EML6: variants seen among roughly 807,000 people sequenced by gnomAD.
EML6 encodes EMAP like 6.
Under a neutral mutation model 240.1 loss-of-function variants are expected in EML6, and 154 were observed. The observed-to-expected ratio is 0.64, with a 90% CI of 0.56 to 0.73. The LOEUF (loss-of-function observed/expected upper bound fraction) is 0.73. EML6 is among the 30% of genes least tolerant of loss of function. The probability of loss-of-function intolerance (pLI) is 0.00; values close to 1 mark genes in which losing one functional copy is unlikely to be tolerated. For missense variants in EML6, 2,964 were observed against 2,474.6 expected, an observed-to-expected ratio of 1.20 and a Z score of -4.20; for synonymous variants, 1,148 against 899.0, an observed-to-expected ratio of 1.28 and a Z score of -4.95.
At chr2:54,840,076 C>T (rs1368677166) in intron 7 of EML6, among the ~76,000 whole-genome samples, 2 of 152,124 alleles carry the variant, frequency 1.3e-5, no homozygotes, top group Admixed American at 1.3e-4. Context: ...TAACTCTTTG[C>T]TTCCTGATAA....
At chr2:54,858,877 G>C (rs753740120) in intron 11 of EML6, among the ~76,000 whole-genome samples, 3 of 152,188 alleles carry the variant, frequency 2.0e-5, no homozygotes, top group Non-Finnish European at 2.9e-5. Flanking sequence ...TGGGGTATTT[G>C]ACCTCCTGAA....
chr2:54,957,736 C>G (rs1011502424), intron 32 of EML6, 54 bp from the exon 33 acceptor site: 5 of 1,515,070 alleles, frequency 3.3e-6, no homozygotes, highest in Middle Eastern at 2.3e-4. Flanking sequence ...GCGGCTCCCC[C>G]GGCCTGGCCC....
At chr2:54,827,477 A>T (rs1403258005) in intron 5 of EML6, 89 bp from the exon 6 acceptor site, 1 of 1,079,814 alleles carries the variant, frequency 9.3e-7, no homozygotes, top group East Asian at 2.6e-5. Flanking sequence ...AGAGCACATT[A>T]TGTGAAATGC....
Position 54,853,700 on chromosome 2 carries a change from C to T in EML6, c.1502C>T (p.Thr501Ile), listed in dbSNP as rs1419831283. Reference protein sequence around the residue: ...EIKGIPWASWTCVKGPEVSGI... With the variant: ...EIKGIPWASWICVKGPEVSGI... Reference sequence around the variant, plus strand: ...AAAGGGATTCCTTGGGCCTCCTGGACATGCGTGAAAGGCCCTGAAGTGAGT... The same window carrying T: ...AAAGGGATTCCTTGGGCCTCCTGGATATGCGTGAAAGGCCCTGAAGTGAGT... The change falls in exon 11 of 42, where the codon ACA (threonine) becomes ATA (isoleucine). Residue 501 changes from threonine to isoleucine, a missense_variant. By Grantham distance (89) the Thr-to-Ile change is moderately conservative. Coordinates refer to ENST00000356458, the MANE Select transcript of EML6 (RefSeq NM_001039753.4). The T allele has an allele frequency of 6.4e-7, 1 of 1,550,870 alleles. No homozygotes were observed. Among genetic ancestry groups the T allele is most frequent in the Non-Finnish European group, 8.7e-7 (1 of 1,146,500 alleles).
At chr2:54,944,266 C>T (rs933270618) in intron 28 of EML6, among the ~76,000 whole-genome samples, 3 of 151,444 alleles carry the variant, frequency 2.0e-5, no homozygotes, top group African/African-American at 7.3e-5. Context: ...AACTCATCAT[C>T]TTCCCTCATT....
intron 31 of EML6, among the ~76,000 whole-genome samples, chr2:54,953,397 G>A (rs899687217): frequency 6.6e-6 from 1 of 152,170 alleles, no homozygotes; most frequent in Non-Finnish European, 1.5e-5. Context: ...ATTGTATCTT[G>A]CCGAATTGCA....
intron 34 of EML6, among the ~76,000 whole-genome samples, chr2:54,959,737 G>A (rs1298396063): frequency 2.6e-5 from 4 of 152,080 alleles, no homozygotes; most frequent in African/African-American, 7.2e-5. Context: ...ACTCCAGCCT[G>A]GGCGACAAGA....
chr2:54,740,194 G>A (rs936247002), intron 2 of EML6, among the ~76,000 whole-genome samples: 1 of 152,188 alleles, frequency 6.6e-6, no homozygotes, highest in African/African-American at 2.4e-5. Context: ...CAGTGTATGT[G>A]TAGGAGTGGG....
intron 28 of EML6, among the ~76,000 whole-genome samples, chr2:54,939,323 G>C (rs1395820129): frequency 2.0e-5 from 3 of 152,236 alleles, no homozygotes; most frequent in Non-Finnish European, 2.9e-5. Context: ...CCTTGCCCCA[G>C]ACTGCATCTC....
intron 28 of EML6, among the ~76,000 whole-genome samples, chr2:54,931,044 G>A (rs1355007647): frequency 2.3e-5 from 3 of 132,138 alleles, no homozygotes; most frequent in Non-Finnish European, 4.7e-5. Context: ...TGCAAGCTCC[G>A]CCTCCCGGGT....
At chr2:54,884,758 G>T (rs1442962283) in intron 17 of EML6, among the ~76,000 whole-genome samples, 1 of 152,188 alleles carries the variant, frequency 6.6e-6, no homozygotes, top group African/African-American at 2.4e-5. Context: ...TAAATACAAG[G>T]AAACAATCTT....
chr2:54,925,239 C>G (rs565335646), intron 26 of EML6, among the ~76,000 whole-genome samples: 1 of 152,318 alleles, frequency 6.6e-6, no homozygotes, highest in Admixed American at 6.5e-5. Flanking sequence ...AGGCAGCTAT[C>G]TACAAGCCAG....
chr2:54,876,146 GA>G (rs1671495955), intron 16 of EML6, among the ~76,000 whole-genome samples: 3 of 152,160 alleles, frequency 2.0e-5, no homozygotes, highest in African/African-American at 7.2e-5. Context: ...CATTACCTAA[GA>G]GACTAAAAAC....
intron 32 of EML6, among the ~76,000 whole-genome samples, chr2:54,956,575 A>G (rs1012917187): frequency 4.6e-5 from 7 of 152,174 alleles, no homozygotes; most frequent in Admixed American, 1.3e-4. Context: ...GATCTGCTAC[A>G]GTAAGTCAGA....
chr2:54,935,603 C>T (rs764227124), intron 28 of EML6, among the ~76,000 whole-genome samples: 2 of 152,226 alleles, frequency 1.3e-5, no homozygotes, highest in African/African-American at 4.8e-5. Context: ...ATACCACCAT[C>T]TGAGCGTGCC....
At chr2:54,840,493 T>A (rs988282161) in intron 7 of EML6, among the ~76,000 whole-genome samples, 1 of 152,254 alleles carries the variant, frequency 6.6e-6, no homozygotes, top group Non-Finnish European at 1.5e-5. Context: ...CTTTTTCAAA[T>A]GTAATCTTCA....
chr2:54,804,188 A>G (rs1670342212), intron 2 of EML6, among the ~76,000 whole-genome samples: 1 of 152,246 alleles, frequency 6.6e-6, no homozygotes, highest in Non-Finnish European at 1.5e-5. Flanking sequence ...GACCAGATGG[A>G]TTCATTAATG....
chr2:54,816,921 G>T lies in EML6; in HGVS notation c.456+36G>T, dbSNP rs765100524. 11 of 1,316,762 alleles carry T rather than the reference G, an allele frequency of 8.4e-6. No homozygotes were observed. The South Asian group carries it at 1.4e-4, about 17-fold the overall frequency. 81.6% of individuals were successfully genotyped at this position (1,316,762 alleles called of 1,614,324 possible). Reference sequence around the variant, plus strand: ...GTTGGATCAAGCTATGCAGATTTCAGAACTTGGGGGGACTTGTGATATCGC... The same window carrying T: ...GTTGGATCAAGCTATGCAGATTTCATAACTTGGGGGGACTTGTGATATCGC... On this transcript the variant is annotated intron_variant, in intron 4 of 41. Transcript: ENST00000356458.
intron 2 of EML6, among the ~76,000 whole-genome samples, chr2:54,770,117 C>T (rs879902830): frequency 3.3e-5 from 5 of 152,168 alleles, no homozygotes; most frequent in Admixed American, 6.5e-5. Flanking sequence ...TCCTGAGCTT[C>T]TTGCCATGGG....
Sources: gnomAD v4.1 joint callset for allele counts (sites outside exome capture counted in the v4.1 genomes callset) on GRCh38, gnomAD v4.1.1 for gene constraint, MANE v1.5 for transcripts, NCBI Gene and HGNC (gene_info 2026-07-23, HGNC 2026-07-21) for gene names.